Variants in MMAA observed in about 807,000 individuals in gnomAD.
MMAA encodes methylmalonic aciduria type A protein, mitochondrial.
A neutral mutation model predicts 45.0 loss-of-function variants in MMAA; 41 were observed. That is an observed-to-expected ratio of 0.91 (90% CI 0.71 to 1.18). The LOEUF (loss-of-function observed/expected upper bound fraction) is 1.18. MMAA is among the 50% of genes most tolerant of loss of function. The probability of loss-of-function intolerance (pLI) is 0.00; values close to 1 mark genes in which losing one functional copy is unlikely to be tolerated. For missense variants in MMAA, 460 were observed against 495.7 expected (o/e 0.93, Z 0.68); for synonymous variants, 154 against 178.2 (o/e 0.86, Z 1.08).
Position 145,658,682 on chromosome 4 carries a change from C to T in MMAA, c.*3248C>T. The stretch of plus-strand genomic sequence containing the variant: ...ACGTGTGATAATTTATGTAGTTGAA[C>T]CTCTAAGGCAAAAAAAAAAAAAAAA... On this transcript the variant is annotated 3_prime_UTR_variant, in exon 7 of 7. Coordinates refer to ENST00000649156, the MANE Select transcript of MMAA (RefSeq NM_172250.3). 1 of 145,534 alleles carries T rather than the reference C, an allele frequency of 6.9e-6. No homozygotes were observed. The allele number at this position is 145,534 out of a possible 1,614,324, so 9.0% of individuals were successfully genotyped here. A position where few individuals can be genotyped will look rare whatever the true frequency, so the allele number is the denominator to read the frequency against.
intron 1 of MMAA, chr4:145,625,567 G>A (rs1401937452): frequency 2.6e-6 from 2 of 763,884 alleles, no homozygotes; most frequent in Non-Finnish European, 4.9e-6. Flanking sequence ...ATTGTTTTGA[G>A]AGACCTAAAT....
In MMAA at chr4:145,653,981, C is replaced by G. The variant is rs1230857622; in HGVS notation, c.820-13C>G. On this transcript the variant is annotated splice_polypyrimidine_tract_variant and intron_variant, in intron 5 of 6. Transcript: ENST00000649156. The stretch of plus-strand genomic sequence containing the variant: ...TTATGTTGGTTGTCATTAAATGTTT[C>G]TGATCTCTTTAGGGTATCAAAAGGG... The G allele has an allele frequency of 2.5e-6, 4 of 1,613,898 alleles. No individual in the cohort carries two copies. In the South Asian group the frequency reaches 4.4e-5, roughly 18 times the overall value.
intron 1 of MMAA, among the ~76,000 whole-genome samples, chr4:145,623,859 CTT>C (rs1398795951): frequency 6.6e-6 from 1 of 152,136 alleles, no homozygotes; most frequent in Non-Finnish European, 1.5e-5. Flanking sequence ...TCTAAGGAGC[CTT>C]GGAGGCTTGT....
In MMAA at chr4:145,659,054, C is replaced by T. The variant is rs1360368612; in HGVS notation, c.*3620C>T. 6.6e-6 allele frequency: 1 copy of T among 152,096 alleles called. No individual in the cohort carries two copies. The highest frequency in any genetic ancestry group is 2.4e-5 in the African/African-American group (1 of 41,406). The allele number at this position is 152,096 out of a possible 1,614,324, so 9.4% of individuals were successfully genotyped here. The stretch of plus-strand genomic sequence containing the variant: ...CAACGGTAGATGTTCTCAACATTAG[C>T]GTTATTCAGGTAAGACTACAACAAT... On this transcript the variant is annotated 3_prime_UTR_variant, in exon 7 of 7. Coordinates refer to ENST00000649156, the MANE Select transcript of MMAA (RefSeq NM_172250.3).
Position 145,658,083 on chromosome 4 carries a change from A to G in MMAA, c.*2649A>G, listed in dbSNP as rs1031611752. ...TCTATCACTTGCTCCTACTTTCGTC[A>G]TATGACATGCCTGCTCCCCTTTCAC... On this transcript the variant is annotated 3_prime_UTR_variant, in exon 7 of 7. Transcript: ENST00000649156. 5.9e-5 allele frequency: 9 copies of G among 152,760 alleles called. No individual in the cohort carries two copies. The highest frequency in any genetic ancestry group is 1.2e-4 in the Non-Finnish European group (8 of 68,478). 9.5% of individuals were successfully genotyped at this position (152,760 alleles called of 1,614,324 possible).
At chr4:145,619,776 C>G (rs1734054151) in intron 1 of MMAA, among the ~76,000 whole-genome samples, 1 of 152,142 alleles carries the variant, frequency 6.6e-6, no homozygotes, top group Non-Finnish European at 1.5e-5. Flanking sequence ...AATGGTTAAC[C>G]TGAGGCCGCG....
chr4:145,626,070 G>T, intron 1 of MMAA: 1 of 933,348 alleles, frequency 1.1e-6, no homozygotes, highest in Non-Finnish European at 1.6e-6. Flanking sequence ...TGCCTCTCTG[G>T]GGCAGTCGGA....
At chr4:145,625,798 GCT>G in intron 1 of MMAA, 5 of 1,158,866 alleles carry the variant, frequency 4.3e-6, no homozygotes, top group Non-Finnish European at 6.5e-6. Context: ...TCCTCTTTAA[GCT>G]GATAGATGAG....
chr4:145,652,343 G>A (rs1728116983), intron 5 of MMAA, among the ~76,000 whole-genome samples: 1 of 152,136 alleles, frequency 6.6e-6, no homozygotes, highest in South Asian at 2.1e-4. Context: ...AAGTTGGGTT[G>A]ATATCACATG....
chr4:145,649,073 G>A (rs1348381876), intron 4 of MMAA, among the ~76,000 whole-genome samples: 2 of 150,200 alleles, frequency 1.3e-5, no homozygotes, highest in African/African-American at 4.9e-5. Context: ...AGGATTGCTT[G>A]AGCCCAGGAG....
rs1578892488 is a variant in MMAA, at chr4:145,659,949, C to G, written c.*4515C>G. On this transcript the variant is annotated 3_prime_UTR_variant, in exon 7 of 7. Coordinates refer to ENST00000649156, the MANE Select transcript of MMAA (RefSeq NM_172250.3). ...TTGTAACTTTGTACCCATTGACCCC[C>G]CTTCCCTTCCTTCCACTCTCCCCTC... 1 of 152,096 alleles carries G rather than the reference C, an allele frequency of 6.6e-6. No individual in the cohort carries two copies. The highest frequency in any genetic ancestry group is 1.5e-5 in the Non-Finnish European group (1 of 68,026). The allele number at this position is 152,096 out of a possible 1,614,324, so 9.4% of individuals were successfully genotyped here. A position where few individuals can be genotyped will look rare whatever the true frequency, so the allele number is the denominator to read the frequency against.
intron 5 of MMAA, among the ~76,000 whole-genome samples, chr4:145,651,503 T>A (rs921904037): frequency 6.6e-6 from 1 of 152,184 alleles, no homozygotes; most frequent in African/African-American, 2.4e-5. Flanking sequence ...AGTTTATATG[T>A]TGTACAATGA....
intron 1 of MMAA, among the ~76,000 whole-genome samples, chr4:145,626,891 T>G (rs577838502): frequency 2.6e-5 from 4 of 152,344 alleles, no homozygotes; most frequent in Admixed American, 2.0e-4. Flanking sequence ...ATTAGTCCCC[T>G]GGGAAGAAGT....
At position 145,638,847 on chromosome 4, in the gene MMAA, G is replaced by A. The variant is rs183720298; in HGVS notation, c.-65-228G>A. On this transcript the variant is annotated intron_variant, in intron 1 of 6. Transcript: ENST00000649156. ...GAAAAAGTGTAAATTCCACTTCGCA[G>A]TAGAGTAGTAGTTCCATTATTCGGG... is the stretch of plus-strand genomic sequence containing the variant. Among the ~76,000 whole-genome samples, 7 of 152,296 alleles carry A rather than the reference G, an allele frequency of 4.6e-5. No individual in the cohort carries two copies. In the East Asian group the frequency reaches 1.2e-3, roughly 25 times the overall value.
chr4:145,644,931 G>C (rs1052009913), intron 3 of MMAA, among the ~76,000 whole-genome samples: 29 of 152,144 alleles, frequency 1.9e-4, no homozygotes, highest in Non-Finnish European at 2.9e-5. Flanking sequence ...TATGTCTCTA[G>C]ACATTGCCAG....
At chr4:145,627,219 T>C (rs1162211312) in intron 1 of MMAA, among the ~76,000 whole-genome samples, 4 of 152,234 alleles carry the variant, frequency 2.6e-5, no homozygotes, top group African/African-American at 4.8e-5. Context: ...TTATTATAAA[T>C]GGACATAATT....
chr4:145,619,986 TG>T (rs1392408859), intron 1 of MMAA, among the ~76,000 whole-genome samples: 1 of 152,168 alleles, frequency 6.6e-6, no homozygotes, highest in Non-Finnish European at 1.5e-5. Flanking sequence ...CATTAGAAAA[TG>T]AAAGACGACC....
chr4:145,644,677 T>C (rs1338471683), intron 3 of MMAA, among the ~76,000 whole-genome samples: 2 of 152,222 alleles, frequency 1.3e-5, no homozygotes, highest in Non-Finnish European at 2.9e-5. Flanking sequence ...TCCACAGTTA[T>C]TGAGTGCCTA....
At chr4:145,638,583 A>C (rs1177879580) in intron 1 of MMAA, among the ~76,000 whole-genome samples, 1 of 152,222 alleles carries the variant, frequency 6.6e-6, no homozygotes, top group Admixed American at 6.5e-5. Flanking sequence ...GGATGAGTCT[A>C]CTGAATACAA....
Sources: gnomAD v4.1 joint callset for allele counts (sites outside exome capture counted in the v4.1 genomes callset) on GRCh38, gnomAD v4.1.1 for gene constraint, MANE v1.5 for transcripts, NCBI Gene and HGNC (gene_info 2026-07-23, HGNC 2026-07-21) for gene names.